The following GARNL3 variants were observed in gnomAD, a reference collection of about 807,000 sequenced individuals.
The protein encoded by GARNL3 is GTPase-activating Rap/Ran-GAP domain-like protein 3.
Under a neutral mutation model 125.0 loss-of-function variants are expected in GARNL3, and 63 were observed. The ratio of observed to expected loss-of-function variants is 0.50; its 90% confidence interval spans 0.41 to 0.62. The LOEUF (loss-of-function observed/expected upper bound fraction) is 0.62, where lower values mean the gene tolerates loss of function less well. Among genes scored for constraint, GARNL3 ranks in the 20% least tolerant of loss-of-function variants. The pLI is 0.00. For synonymous variants in GARNL3, 439 were observed against 457.5 expected (o/e 0.96, Z 0.52); for missense variants, 994 against 1,244.0 (o/e 0.80, Z 3.02).
At chr9:127,230,645 C>T (rs1218329626) in intron 1 of GARNL3, among the ~76,000 whole-genome samples, 1 of 149,512 alleles carries the variant, frequency 6.7e-6, no homozygotes, top group Non-Finnish European at 1.5e-5. Context: ...AAGAGTGAAA[C>T]TCCATCTCAC....
intron 1 of GARNL3, among the ~76,000 whole-genome samples, chr9:127,277,033 T>A (rs1588736302): frequency 6.6e-6 from 1 of 152,226 alleles, no homozygotes; most frequent in East Asian, 1.9e-4. Context: ...ATAGGTTATA[T>A]TTACTTGAAA....
chr9:127,306,878 C>T (rs2131443230), intron 2 of GARNL3, among the ~76,000 whole-genome samples: 1 of 152,180 alleles, frequency 6.6e-6, no homozygotes. Context: ...GAGCAAGACT[C>T]CGTCTCAACA....
intron 3 of GARNL3, 90 bp from the exon 4 acceptor site, chr9:127,313,351 G>A (rs2065145926): frequency 5.7e-6 from 5 of 878,744 alleles, no homozygotes; most frequent in Admixed American, 5.1e-5. Context: ...GAGCATGTGG[G>A]AAGGGCTGGA....
Position 127,368,827 on chromosome 9 carries a change from G to A in GARNL3, c.2161+3461G>A, listed in dbSNP as rs539188683. Among the ~76,000 whole-genome samples, 5 of 152,028 alleles carry A rather than the reference G, an allele frequency of 3.3e-5. 1 individual carries two copies. In the South Asian group the frequency reaches 1.0e-3, roughly 32 times the overall value. Reference sequence around the variant, plus strand: ...GTGCGCGCCTGTAGTCCTATCTACTGGGGTGACTGAGGCAGGAGAATCGCT... The same window carrying A: ...GTGCGCGCCTGTAGTCCTATCTACTAGGGTGACTGAGGCAGGAGAATCGCT... On this transcript the variant is annotated intron_variant, in intron 22 of 27. Transcript: ENST00000373387.
chr9:127,345,377 T>A (rs753102910), intron 15 of GARNL3, 26 bp from the exon 16 acceptor site: 1 of 1,517,170 alleles, frequency 6.6e-7, no homozygotes, highest in Non-Finnish European at 9.0e-7. Context: ...CCTAGTAAAC[T>A]TTAATAGAGA....
chr9:127,225,382 G>A, intron 1 of GARNL3: 1 of 984,898 alleles, frequency 1.0e-6, no homozygotes, highest in Non-Finnish European at 1.2e-6. Flanking sequence ...CGGCGCAGGG[G>A]GTGCAGCTTC....
intron 10 of GARNL3, 30 bp downstream of exon 10, chr9:127,335,363 G>A (rs1301658176): frequency 1.4e-6 from 2 of 1,474,376 alleles, no homozygotes; most frequent in Non-Finnish European, 1.9e-6. Flanking sequence ...CCATCAAATA[G>A]TGATGTGAAT....
chr9:127,313,586 A>G (rs908014186), intron 4 of GARNL3, 27 bp downstream of exon 4: 2 of 1,418,154 alleles, frequency 1.4e-6, no homozygotes, highest in African/African-American at 2.8e-5. Context: ...CACTTGAAGC[A>G]AAATTTATGC....
At chr9:127,252,104 C>G (rs1442369517) in intron 2 of GARNL3, among the ~76,000 whole-genome samples, 2 of 152,170 alleles carry the variant, frequency 1.3e-5, no homozygotes, top group Non-Finnish European at 2.9e-5. Flanking sequence ...AGTATATAAG[C>G]CCCCCAGTGT....
At chr9:127,323,567 C>G (rs2065467971) in intron 6 of GARNL3, among the ~76,000 whole-genome samples, 1 of 152,134 alleles carries the variant, frequency 6.6e-6, no homozygotes, top group South Asian at 2.1e-4. Flanking sequence ...GCTTGCAGGG[C>G]TAGTGGCAAT....
upstream of GARNL3, chr9:127,264,367 T>C (rs970377367): frequency 6.6e-5 from 21 of 318,818 alleles, no homozygotes; most frequent in African/African-American, 3.1e-4. Context: ...CTGAATATAC[T>C]TGGACATTAG....
At chr9:127,295,046 C>T (rs1345332609) in intron 2 of GARNL3, among the ~76,000 whole-genome samples, 1 of 152,196 alleles carries the variant, frequency 6.6e-6, no homozygotes. Context: ...TCAGACTGTC[C>T]ATCTTTTCAA....
chr9:127,313,646 T>C (rs987095667), intron 4 of GARNL3, 87 bp downstream of exon 4: 2 of 891,244 alleles, frequency 2.2e-6, no homozygotes, highest in African/African-American at 3.3e-5. Context: ...TGCCAGTTTC[T>C]TCCAGGGCAT....
At chr9:127,288,039 C>T (rs755062324) in intron 1 of GARNL3, among the ~76,000 whole-genome samples, 2 of 152,200 alleles carry the variant, frequency 1.3e-5, no homozygotes, top group Non-Finnish European at 2.9e-5. Context: ...AGGTGTTATG[C>T]TTAGCTCTGG....
At chr9:127,251,471 C>A (rs569158436) in intron 2 of GARNL3, among the ~76,000 whole-genome samples, 1 of 152,180 alleles carries the variant, frequency 6.6e-6, no homozygotes, top group African/African-American at 2.4e-5. Flanking sequence ...TTTAGAAAAT[C>A]TTTCAAAAAT....
At chr9:127,230,859 A>G (rs1178278460) in intron 1 of GARNL3, among the ~76,000 whole-genome samples, 1 of 151,210 alleles carries the variant, frequency 6.6e-6, no homozygotes, top group Non-Finnish European at 1.5e-5. Context: ...ACCTAGGGAA[A>G]TGGTTAGGAT....
chr9:127,357,782 TA>T (rs59319315), intron 21 of GARNL3, among the ~76,000 whole-genome samples: 81,370 of 147,078 alleles, frequency 0.55, 22,372 homozygotes, highest in East Asian at 0.73. Flanking sequence ...TATTTAAAAT[TA>T]AAAAAAAAAA....
intron 1 of GARNL3, among the ~76,000 whole-genome samples, chr9:127,232,365 G>A (rs2063033868): frequency 6.6e-6 from 1 of 152,122 alleles, no homozygotes. Flanking sequence ...CTGGAGTACA[G>A]TGGCATGATC....
chr9:127,270,515 C>T (rs2131289508), intron 1 of GARNL3, among the ~76,000 whole-genome samples: 1 of 152,268 alleles, frequency 6.6e-6, no homozygotes, highest in East Asian at 1.9e-4. Context: ...ACACTGAGCT[C>T]TTCCCTGTCC....
Sources: allele counts gnomAD v4.1 joint callset (sites outside exome capture counted in the v4.1 genomes callset), GRCh38; gene constraint gnomAD v4.1.1; transcripts MANE v1.5; gene names NCBI Gene and HGNC (gene_info 2026-07-23, HGNC 2026-07-21).